CLIP2: variants seen among roughly 807,000 people sequenced by gnomAD.
The protein encoded by CLIP2 is CAP-Gly domain containing linker protein 2.
A neutral mutation model predicts 111.7 loss-of-function variants in CLIP2; 41 were observed. The ratio of observed to expected loss-of-function variants is 0.37; its 90% CI spans 0.29 to 0.48. CLIP2 has a LOEUF of 0.48. Ranked by LOEUF, CLIP2 falls within the 20% of genes least tolerant of loss-of-function variation. CLIP2 has a pLI of 0.99. For missense variants in CLIP2, 1,160 were observed against 1,422.1 expected (o/e 0.82, Z 2.96); for synonymous variants, 660 against 644.2 (o/e 1.02, Z -0.37).
At chr7:74,317,319 G>A (rs1554729257) in intron 1 of CLIP2, among the ~76,000 whole-genome samples, 161 bp from the exon 2 acceptor site, 5 of 152,160 alleles carry the variant, frequency 3.3e-5, no homozygotes. Flanking sequence ...CTGAGAGCGG[G>A]AATCTGGCCT....
rs782369838 is a variant in CLIP2, at chr7:74,397,130, C to T, written c.2777C>T (p.Pro926Leu). Residue 926 changes from proline (P) to leucine (L), a missense_variant, in exon 14 of 17, where the codon CCG (proline) becomes CTG (leucine). Transcript: ENST00000223398. ...LLEANRHSPG[P>L]ERDLSREVHK... ...GAGGCCAATCGTCACTCCCCAGGGC[C>T]GGAGAGGGACCTGAGCCGTGAGGTA... 1.6e-5 allele frequency: 26 copies of T among 1,613,646 alleles called. No homozygotes were observed. The highest frequency in any genetic ancestry group is 2.2e-5 in the Non-Finnish European group (26 of 1,179,960).
chr7:74,308,776 T>C (rs1413969659), intron 1 of CLIP2, among the ~76,000 whole-genome samples: 1 of 152,022 alleles, frequency 6.6e-6, no homozygotes, highest in African/African-American at 2.4e-5. Flanking sequence ...TTCATGTGCT[T>C]ATGGGCTGTT....
At chr7:74,293,912 C>G (rs1241270639) in intron 1 of CLIP2, among the ~76,000 whole-genome samples, 1 of 149,800 alleles carries the variant, frequency 6.7e-6, no homozygotes, top group African/African-American at 2.5e-5. Flanking sequence ...GGGACTCGGG[C>G]TTTTTTTTTG....
chr7:74,303,649 C>T (rs151004141), intron 1 of CLIP2, among the ~76,000 whole-genome samples: 1,498 of 148,654 alleles, frequency 0.01, 28 homozygotes, highest in African/African-American at 0.035. Context: ...TGGTGGCTCA[C>T]GCCTGTAATT....
chr7:74,347,317 G>A (rs1419772647), intron 3 of CLIP2, among the ~76,000 whole-genome samples: 1 of 152,166 alleles, frequency 6.6e-6, no homozygotes, highest in Non-Finnish European at 1.5e-5. Flanking sequence ...CGCCTAGGCT[G>A]GAGTGCAGTG....
chr7:74,353,506 C>T (rs1790068956), intron 3 of CLIP2, among the ~76,000 whole-genome samples: 1 of 152,148 alleles, frequency 6.6e-6, no homozygotes, highest in African/African-American at 2.4e-5. Context: ...CCACCTTGGC[C>T]TCCCAAAGTG....
intron 3 of CLIP2, among the ~76,000 whole-genome samples, chr7:74,344,962 G>A (rs1254511114): frequency 6.6e-6 from 1 of 152,194 alleles, no homozygotes; most frequent in Non-Finnish European, 1.5e-5. Context: ...ATCAAGCCCA[G>A]CTGGGATTGA....
Position 74,338,761 on chromosome 7 carries a change from G to T in CLIP2, c.435G>T (p.Leu145=). Reference sequence around the variant, plus strand: ...GTATCTTCACGCGGCCCTCCAAGCTGACCCGGCAGCCCACGGCCGAGGGCT... The same window carrying T: ...GTATCTTCACGCGGCCCTCCAAGCTTACCCGGCAGCCCACGGCCGAGGGCT... ...LQGIFTRPSK[L]TRQPTAEGSG... Residue 145 remains leucine (L), a synonymous_variant, in exon 3 of 17, where the codon CTG becomes CTT. Coordinates refer to ENST00000223398, the MANE Select transcript of CLIP2 (RefSeq NM_003388.5). The surrounding 1 kb of genome is among the most constrained non-coding windows in gnomAD (Gnocchi z 4.3). The T allele has an allele frequency of 6.2e-7, 1 of 1,606,292 alleles. No individual in the cohort carries two copies.
intron 2 of CLIP2, among the ~76,000 whole-genome samples, chr7:74,330,928 G>T (rs1554731167): frequency 6.6e-6 from 1 of 151,546 alleles, no homozygotes. Context: ...TTTCTGGCTG[G>T]GCACTATGGC....
At chr7:74,320,222 A>G (rs1788909650) in intron 2 of CLIP2, among the ~76,000 whole-genome samples, 1 of 141,378 alleles carries the variant, frequency 7.1e-6, no homozygotes, top group South Asian at 2.3e-4. Context: ...AAAAAGAAAG[A>G]AAAAGGAAAA....
At chr7:74,362,528 C>CTT (rs3044338) in intron 7 of CLIP2, among the ~76,000 whole-genome samples, 3,168 of 121,884 alleles carry the variant, frequency 0.026, 114 homozygotes, top group African/African-American at 0.06. Context: ...TTTTTCTTTT[C>CTT]TTTTTTTTTT....
chr7:74,328,494 G>T (rs1389555332), intron 2 of CLIP2, among the ~76,000 whole-genome samples: 1 of 152,106 alleles, frequency 6.6e-6, no homozygotes, highest in Non-Finnish European at 1.5e-5. Flanking sequence ...TGTTCTGGGG[G>T]TGTGCAGACA....
At chr7:74,301,477 G>A (rs1031280985) in intron 1 of CLIP2, among the ~76,000 whole-genome samples, 1 of 151,858 alleles carries the variant, frequency 6.6e-6, no homozygotes, top group Non-Finnish European at 1.5e-5. Context: ...CCACCTCCAG[G>A]GTTCAAGTGA....
chr7:74,359,529 G>A lies in CLIP2; in HGVS notation c.1216-646G>A, dbSNP rs148861761. ...CCACCACGCCCAGCTAATGTTTTTT[G>A]TATTTTTAGTAGAGATGGGGTTTCA... is the stretch of plus-strand genomic sequence containing the variant. On this transcript the variant is annotated intron_variant, in intron 6 of 16. Coordinates refer to ENST00000223398, the MANE Select transcript of CLIP2 (RefSeq NM_003388.5). 6.4e-4 allele frequency among the ~76,000 whole-genome samples: 97 copies of A among 151,598 alleles called. 2 individuals carry two copies. Among genetic ancestry groups the A allele is most frequent in the African/African-American group, 1.9e-3 (80 of 41,338 alleles).
chr7:74,348,707 A>G (rs1194645513), intron 3 of CLIP2, among the ~76,000 whole-genome samples: 2 of 150,340 alleles, frequency 1.3e-5, no homozygotes, highest in Non-Finnish European at 3.0e-5. Flanking sequence ...GGAGAATGGC[A>G]TGAACCCAGG....
intron 3 of CLIP2, among the ~76,000 whole-genome samples, chr7:74,341,953 G>C (rs1170767961): frequency 2.0e-5 from 3 of 152,168 alleles, no homozygotes; most frequent in African/African-American, 7.2e-5. Context: ...AGCCTGGCCT[G>C]GTGGGGAGGC....
chr7:74,293,667 A>G (rs1051057956), intron 1 of CLIP2, among the ~76,000 whole-genome samples: 15 of 152,184 alleles, frequency 9.9e-5, no homozygotes, highest in Admixed American at 7.2e-4. Context: ...CAGGGAGTTC[A>G]TGAGCTGATG....
intron 1 of CLIP2, among the ~76,000 whole-genome samples, chr7:74,294,722 C>T (rs1204232191): frequency 6.6e-6 from 1 of 152,234 alleles, no homozygotes; most frequent in African/African-American, 2.4e-5. Flanking sequence ...CAATGTGCAG[C>T]ATTGAGCTTC....
At chr7:74,392,926 C>A (rs1554316081) in intron 13 of CLIP2, among the ~76,000 whole-genome samples, 2 of 152,214 alleles carry the variant, frequency 1.3e-5, no homozygotes, top group Non-Finnish European at 2.9e-5. Context: ...AGCTGGGGAG[C>A]CCCTGCCCCC....
Sources: allele counts gnomAD v4.1 joint callset (sites outside exome capture counted in the v4.1 genomes callset), GRCh38; gene constraint gnomAD v4.1.1; non-coding constraint Gnocchi (gnomAD v3.1); transcripts MANE v1.5; gene names NCBI Gene and HGNC (gene_info 2026-07-23, HGNC 2026-07-21).